The following SPRED2 variants were observed in gnomAD, a reference collection of about 807,000 sequenced individuals.
The protein encoded by SPRED2 is sprouty related EVH1 domain containing 2, also known as sprouty-related, EVH1 domain-containing protein 2.
SPRED2 carries 47 observed loss-of-function variants against 43.0 expected under a neutral mutation model. That is an observed-to-expected ratio of 1.09 (90% CI 0.87 to 1.40). The LOEUF is 1.40. SPRED2 is among the 40% of genes most tolerant of loss of function. SPRED2 has a pLI of 0.00. For synonymous variants in SPRED2, 225 were observed against 225.7 expected (o/e 1.00, Z 0.03); for missense variants, 561 against 586.4 (o/e 0.96, Z 0.45).
At chr2:65,426,365 A>G (rs1384902249) in intron 1 of SPRED2, among the ~76,000 whole-genome samples, 4 of 152,228 alleles carry the variant, frequency 2.6e-5, no homozygotes, top group Admixed American at 2.0e-4. Context: ...TAGGGATGAA[A>G]CAGCACTTTA....
chr2:65,376,411 T>G (rs1675238920), intron 1 of SPRED2, among the ~76,000 whole-genome samples: 1 of 152,218 alleles, frequency 6.6e-6, no homozygotes, highest in East Asian at 1.9e-4. Flanking sequence ...AAGCCATTAA[T>G]TTATCTGTAC....
intron 1 of SPRED2, among the ~76,000 whole-genome samples, chr2:65,395,493 C>T (rs1675739051): frequency 6.6e-6 from 1 of 152,222 alleles, no homozygotes; most frequent in Middle Eastern, 3.2e-3. Context: ...CTCCCTCACA[C>T]TCATCCATTC....
chr2:65,334,177 T>C, intron 3 of SPRED2: 1 of 471,342 alleles, frequency 2.1e-6, no homozygotes, highest in Non-Finnish European at 4.4e-6. Flanking sequence ...TCCTTTTCAG[T>C]GGCAGCTGTA....
chr2:65,310,580 G>A (rs556512819), downstream of SPRED2, among the ~76,000 whole-genome samples: 5 of 152,038 alleles, frequency 3.3e-5, no homozygotes, highest in South Asian at 2.1e-4. Context: ...AGGAGCGCTC[G>A]TTGGGGAAGC....
chr2:65,319,126 A>G (rs1673331167), intron 4 of SPRED2, among the ~76,000 whole-genome samples: 1 of 152,198 alleles, frequency 6.6e-6, no homozygotes, highest in African/African-American at 2.4e-5. Flanking sequence ...ATTATGCAAC[A>G]TAAGCATTGT....
At chr2:65,345,289 G>GT (rs1445656468) in intron 1 of SPRED2, among the ~76,000 whole-genome samples, 40 of 135,328 alleles carry the variant, frequency 3.0e-4, no homozygotes, top group Non-Finnish European at 5.8e-4. Flanking sequence ...TTGAGACGGA[G>GT]TTTCGCTCTT....
chr2:65,342,361 C>T (rs573603423), intron 2 of SPRED2, among the ~76,000 whole-genome samples: 7 of 131,646 alleles, frequency 5.3e-5, no homozygotes, highest in South Asian at 2.5e-4. Context: ...ATTTTGTATA[C>T]GTATATTATA....
intron 2 of SPRED2, among the ~76,000 whole-genome samples, chr2:65,339,100 G>A (rs1213893371): frequency 5.4e-5 from 3 of 55,088 alleles, no homozygotes; most frequent in African/African-American, 1.8e-4. Flanking sequence ...GGGAGGTTGG[G>A]CGGGGGGTCA....
chr2:65,431,881 G>C (rs764844792), intron 1 of SPRED2, 81 bp downstream of exon 1: 1 of 1,537,668 alleles, frequency 6.5e-7, no homozygotes, highest in Non-Finnish European at 9.0e-7. Context: ...CACCCAATAA[G>C]CGTCCCCGCC....
At chr2:65,335,674 G>A (rs1411475570) in intron 2 of SPRED2, among the ~76,000 whole-genome samples, 2 of 152,116 alleles carry the variant, frequency 1.3e-5, no homozygotes, top group African/African-American at 2.4e-5. Flanking sequence ...ACAGTTTCAT[G>A]TGTATTAGTC....
In SPRED2 at chr2:65,352,025, C is replaced by T. The variant is rs139350628; in HGVS notation, c.27-7129G>A. On this transcript the variant is annotated intron_variant, in intron 1 of 5. Coordinates refer to ENST00000356388, the MANE Select transcript of SPRED2 (RefSeq NM_181784.3). ...CTGAAGGTAGAACACTTGCTCTACA[C>T]GCTATAATGTCCCAGAAAATAAGGC... Among the ~76,000 whole-genome samples, 705 of 152,308 alleles carry T rather than the reference C, an allele frequency of 4.6e-3. 6 individuals are homozygous for T. Among genetic ancestry groups the T allele is most frequent in the African/African-American group, 0.016 (654 of 41,552 alleles).
intron 1 of SPRED2, among the ~76,000 whole-genome samples, chr2:65,402,234 T>C (rs375097485): frequency 7.8e-6 from 1 of 128,640 alleles, no homozygotes; most frequent in African/African-American, 3.0e-5. Flanking sequence ...AGCTGAGATC[T>C]GGCCACTGCA....
At chr2:65,376,076 G>A (rs1160564704) in intron 1 of SPRED2, among the ~76,000 whole-genome samples, 2 of 152,188 alleles carry the variant, frequency 1.3e-5, no homozygotes, top group African/African-American at 4.8e-5. Flanking sequence ...CCATGCTCTT[G>A]TGCTCCCTAT....
Position 65,376,776 on chromosome 2 carries a change from G to A in SPRED2, c.27-31880C>T, listed in dbSNP as rs552847861. ...GTTGCCCAGTCTGGAGTGCAGTGGC[G>A]CAATCTCGGCTCACTGCAAGCTCTG... On this transcript the variant is annotated intron_variant, in intron 1 of 5. Coordinates refer to ENST00000356388, the MANE Select transcript of SPRED2 (RefSeq NM_181784.3). Among the ~76,000 whole-genome samples the A allele has an allele frequency of 6.6e-5, 10 of 152,012 alleles. No homozygotes were observed. The East Asian group carries it at 1.4e-3, about 21-fold the overall frequency.
At chr2:65,341,670 T>C (rs1674189443) in intron 2 of SPRED2, among the ~76,000 whole-genome samples, 1 of 152,150 alleles carries the variant, frequency 6.6e-6, no homozygotes, top group Admixed American at 6.6e-5. Flanking sequence ...GGAATTTAAC[T>C]GAGGTTATTT....
At chr2:65,337,983 G>C (rs1674017837) in intron 2 of SPRED2, among the ~76,000 whole-genome samples, 1 of 152,166 alleles carries the variant, frequency 6.6e-6, no homozygotes. Context: ...TAATGAGTTA[G>C]TGGCAATACT....
chr2:65,412,212 T>C lies in SPRED2; in HGVS notation c.26+19750A>G, dbSNP rs529456939. ...ACAATTTAGGAGGTGAATCTCAAAC[T>C]GTGGATGTAGGCAGAGGAATCACCT... On this transcript the variant is annotated intron_variant, in intron 1 of 5. Coordinates refer to ENST00000356388, the MANE Select transcript of SPRED2 (RefSeq NM_181784.3). Among the ~76,000 whole-genome samples, 6 of 151,756 alleles carry C rather than the reference T, an allele frequency of 4.0e-5. No individual in the cohort carries two copies. In the South Asian group the frequency reaches 1.2e-3, roughly 32 times the overall value.
intron 4 of SPRED2, among the ~76,000 whole-genome samples, chr2:65,326,304 G>T (rs73936453): frequency 6.6e-6 from 1 of 152,132 alleles, no homozygotes; most frequent in African/African-American, 2.4e-5. Context: ...TGGATGAGTT[G>T]CAAGATTTTC....
chr2:65,311,393 AAGAG>A lies in SPRED2; in HGVS notation c.*2104_*2107del, dbSNP rs2104090896. The A allele has an allele frequency of 2.0e-6, 2 of 985,936 alleles. No homozygotes were observed. The highest frequency in any genetic ancestry group is 2.4e-6 in the Non-Finnish European group (2 of 829,950). The allele number at this position is 985,936 out of a possible 1,614,324, so 61.1% of individuals were successfully genotyped here. ...GGTGGAAAAGGACAAGGGGTGAAAG[AAGAG>A]AGAAACAGGTAACAACTAAATAGAG... On this transcript the variant is annotated 3_prime_UTR_variant, in exon 6 of 6. Transcript: ENST00000356388.
Sources: allele counts gnomAD v4.1 joint callset (sites outside exome capture counted in the v4.1 genomes callset), GRCh38; gene constraint gnomAD v4.1.1; transcripts MANE v1.5; gene names NCBI Gene and HGNC (gene_info 2026-07-23, HGNC 2026-07-21).